Variants in CDK5RAP2 observed in about 807,000 individuals in gnomAD.
CDK5RAP2 encodes the protein CDK5 regulatory subunit associated protein 2, also known as CDK5 regulatory subunit-associated protein 2.
A neutral mutation model predicts 232.9 loss-of-function variants in CDK5RAP2; 147 were observed. That is an observed-to-expected ratio of 0.63 (90% CI 0.55 to 0.72). CDK5RAP2 has a LOEUF of 0.72. Among genes scored for constraint, CDK5RAP2 ranks in the 30% least tolerant of loss-of-function variants. The probability of loss-of-function intolerance (pLI) is 0.00; values close to 1 mark genes in which losing one functional copy is unlikely to be tolerated. For missense variants in CDK5RAP2, 2,195 were observed against 2,231.5 expected (o/e 0.98, Z 0.33); for synonymous variants, 833 against 833.7 (o/e 1.00, Z 0.01).
chr9:120,427,610 T>A lies in CDK5RAP2; in HGVS notation c.3956-4869A>T, dbSNP rs548844178. Among the ~76,000 whole-genome samples the A allele has an allele frequency of 4.0e-5, 6 of 151,326 alleles. No homozygotes were observed. In the South Asian group the frequency reaches 6.3e-4, roughly 16 times the overall value. On this transcript the variant is annotated intron_variant, in intron 25 of 37. Transcript: ENST00000349780. ...TAAACAAACCGGGGGTGGGAGGGGG[T>A]GGAAAGAATAAATTTTGCTTCCACT... is the stretch of plus-strand genomic sequence containing the variant.
At chr9:120,449,838 T>C (rs1043315896) in intron 21 of CDK5RAP2, among the ~76,000 whole-genome samples, 4 of 152,166 alleles carry the variant, frequency 2.6e-5, no homozygotes, top group African/African-American at 9.7e-5. Flanking sequence ...TTCATACCTA[T>C]TAGAATGGCT....
rs2034460364 is a variant in CDK5RAP2, at chr9:120,419,855, G to T, written c.4110C>A (p.Phe1370Leu). The change falls in exon 27 of 38, where the codon TTC becomes TTA. Residue 1370 changes from phenylalanine to leucine, a missense_variant. Phe to Leu is a conservative substitution (Grantham distance 22). Coordinates refer to ENST00000349780, the MANE Select transcript of CDK5RAP2 (RefSeq NM_018249.6). ...CATTATCTTGCTTCTGGTCTCGTGA[G>T]AAGAAGGACTTTTCAGATGTTTCAT... ...SDYETSEKSFFSRDQKQDNET... is the reference protein window; with the variant it reads ...SDYETSEKSFLSRDQKQDNET... The T allele has an allele frequency of 6.2e-7, 1 of 1,613,588 alleles. No homozygotes were observed. The highest frequency in any genetic ancestry group is 1.3e-5 in the African/African-American group (1 of 75,058).
intron 25 of CDK5RAP2, among the ~76,000 whole-genome samples, chr9:120,431,268 G>T (rs10984912): frequency 0.052 from 7,956 of 151,942 alleles, 533 homozygotes; most frequent in African/African-American, 0.16. Context: ...ATAATAATAA[G>T]AAGAAGAAGA....
intron 19 of CDK5RAP2, among the ~76,000 whole-genome samples, chr9:120,460,029 C>A (rs948363732): frequency 6.6e-6 from 1 of 152,100 alleles, no homozygotes. Flanking sequence ...TCTATGTGTA[C>A]GGGGGTGAGA....
At chr9:120,488,906 C>T (rs921392938) in intron 13 of CDK5RAP2, among the ~76,000 whole-genome samples, 3 of 152,248 alleles carry the variant, frequency 2.0e-5, no homozygotes, top group Admixed American at 6.5e-5. Context: ...CAGGACTTCC[C>T]TTCACCACAT....
chr9:120,516,703 C>T (rs1295506890), intron 12 of CDK5RAP2, among the ~76,000 whole-genome samples: 1 of 152,074 alleles, frequency 6.6e-6, no homozygotes, highest in Non-Finnish European at 1.5e-5. Context: ...TTGGCATCCA[C>T]CCAAAGTCCC....
chr9:120,461,256 C>T (rs921017936), intron 18 of CDK5RAP2, among the ~76,000 whole-genome samples: 1 of 152,266 alleles, frequency 6.6e-6, no homozygotes, highest in African/African-American at 2.4e-5. Flanking sequence ...GAGTATCACG[C>T]TTGCGTGACG....
chr9:120,391,372 A>C (rs1387068439), intron 36 of CDK5RAP2, among the ~76,000 whole-genome samples: 1 of 152,010 alleles, frequency 6.6e-6, no homozygotes, highest in Non-Finnish European at 1.5e-5. Flanking sequence ...GCGACAAAGG[A>C]CTCGTCCCAA....
intron 36 of CDK5RAP2, among the ~76,000 whole-genome samples, chr9:120,393,698 C>CAA (rs1399475173): frequency 6.6e-6 from 1 of 152,348 alleles, no homozygotes; most frequent in East Asian, 1.9e-4. Context: ...AACCAGGAGA[C>CAA]AGAGCTGCTC....
At chr9:120,519,554 C>T (rs1219128686) in intron 11 of CDK5RAP2, among the ~76,000 whole-genome samples, 1 of 151,890 alleles carries the variant, frequency 6.6e-6, no homozygotes, top group Non-Finnish European at 1.5e-5. Flanking sequence ...AAACCACAAC[C>T]TTGCACAAAG....
At chr9:120,570,128 G>A (rs1351383015) in intron 2 of CDK5RAP2, among the ~76,000 whole-genome samples, 1 of 152,138 alleles carries the variant, frequency 6.6e-6, no homozygotes, top group Non-Finnish European at 1.5e-5. Context: ...AAAGCACAGA[G>A]GTGGGAGTGG....
intron 3 of CDK5RAP2, among the ~76,000 whole-genome samples, chr9:120,561,688 C>T (rs891325262): frequency 2.0e-5 from 3 of 152,182 alleles, no homozygotes; most frequent in Non-Finnish European, 4.4e-5. Flanking sequence ...TCTTTTCAAC[C>T]TTTGCTCATG....
chr9:120,552,109 C>T (rs542854121), intron 3 of CDK5RAP2, among the ~76,000 whole-genome samples: 1 of 151,790 alleles, frequency 6.6e-6, no homozygotes, highest in African/African-American at 2.4e-5. Flanking sequence ...TCATCACTGG[C>T]CATCAGAGAA....
At chr9:120,575,729 A>T (rs1476512215) in intron 1 of CDK5RAP2, among the ~76,000 whole-genome samples, 1 of 152,102 alleles carries the variant, frequency 6.6e-6, no homozygotes, top group African/African-American at 2.4e-5. Context: ...CCCATCTAGA[A>T]CCCGCCTAGG....
rs988503300 is a variant in CDK5RAP2, at chr9:120,544,376, AAAC to A, written c.383+1335_383+1337del. Among the ~76,000 whole-genome samples the A allele has an allele frequency of 1.5e-4, 23 of 150,974 alleles. 1 individual carries two copies. The highest frequency in any genetic ancestry group is 3.4e-3 in the Middle Eastern group (1 of 294). ...TGCCCAGAAAATAATCTACTTCAAA[AAAC>A]AACAACAACAATAACAACTTGTTAA... On this transcript the variant is annotated intron_variant, in intron 5 of 37. Coordinates refer to ENST00000349780, the MANE Select transcript of CDK5RAP2 (RefSeq NM_018249.6).
At chr9:120,440,298 C>T (rs547768407) in intron 23 of CDK5RAP2, 8 of 356,796 alleles carry the variant, frequency 2.2e-5, no homozygotes, top group African/African-American at 1.5e-4. Flanking sequence ...TACATGAGAC[C>T]TTCCATGATC....
intron 15 of CDK5RAP2, among the ~76,000 whole-genome samples, chr9:120,474,431 T>C (rs888388588): frequency 1.1e-4 from 16 of 152,116 alleles, no homozygotes; most frequent in African/African-American, 3.6e-4. Flanking sequence ...CCTCCCATGG[T>C]AGAGGCCGGG....
intron 2 of CDK5RAP2, among the ~76,000 whole-genome samples, chr9:120,570,351 A>G (rs1327125217): frequency 6.6e-6 from 1 of 152,022 alleles, no homozygotes; most frequent in Non-Finnish European, 1.5e-5. Context: ...AGCCTGACCC[A>G]CCTCCACACC....
chr9:120,428,619 C>T (rs967567808), intron 25 of CDK5RAP2, among the ~76,000 whole-genome samples: 2 of 152,156 alleles, frequency 1.3e-5, no homozygotes, highest in African/African-American at 4.8e-5. Context: ...TAATCAATAG[C>T]TTACCAACCA....
Sources: allele counts gnomAD v4.1 joint callset (sites outside exome capture counted in the v4.1 genomes callset), GRCh38; gene constraint gnomAD v4.1.1; transcripts MANE v1.5; gene names NCBI Gene and HGNC (gene_info 2026-07-23, HGNC 2026-07-21).